The following GIGYF2 variants were observed in gnomAD, a reference collection of about 807,000 sequenced individuals.
GIGYF2 encodes the protein GRB10 interacting GYF protein 2.
In GIGYF2, 25 loss-of-function variants were observed where a neutral mutation model predicts 208.1. That is an observed-to-expected ratio of 0.12 (90% CI 0.09 to 0.17). The LOEUF (loss-of-function observed/expected upper bound fraction) is 0.17. GIGYF2 is among the 10% of genes least tolerant of loss of function. The pLI is 1.00. For synonymous variants in GIGYF2, 534 were observed against 543.8 expected (o/e 0.98, Z 0.25); for missense variants, 1,302 against 1,579.4 (o/e 0.82, Z 2.98).
chr2:232,838,350 G>A (rs931890312), intron 22 of GIGYF2, among the ~76,000 whole-genome samples: 6 of 152,092 alleles, frequency 3.9e-5, no homozygotes, highest in African/African-American at 1.4e-4. Flanking sequence ...AGTCAGGCCA[G>A]GGAGGAGAGA....
intron 24 of GIGYF2, 25 bp downstream of exon 24, chr2:232,844,280 G>T: frequency 1.2e-6 from 2 of 1,607,826 alleles, no homozygotes; most frequent in Non-Finnish European, 1.7e-6. Flanking sequence ...CTAAGCTGTC[G>T]TTGTATGGAC....
chr2:232,851,413 A>ATTTTTTTTTTTTTTTTTTTTTTTT (rs5839451), intron 28 of GIGYF2, among the ~76,000 whole-genome samples: 1 of 149,088 alleles, frequency 6.7e-6, no homozygotes, highest in Non-Finnish European at 1.5e-5. Flanking sequence ...TGAAACTAAC[A>ATTTTTTTTTTTTTTTTTTTTTTTT]TTTTTTTTTT....
At chr2:232,843,879 T>G in intron 23 of GIGYF2, 167 bp from the exon 24 acceptor site, 1 of 676,758 alleles carries the variant, frequency 1.5e-6, no homozygotes, top group Non-Finnish European at 2.7e-6. Flanking sequence ...ATTCTCCTTT[T>G]TAATACTGTT....
chr2:232,739,997 A>T (rs1042003966), intron 3 of GIGYF2, among the ~76,000 whole-genome samples: 2 of 151,702 alleles, frequency 1.3e-5, no homozygotes, highest in Non-Finnish European at 1.5e-5. Flanking sequence ...GTGTGCCTGT[A>T]ATCTTGGCTA....
chr2:232,773,238 G>A (rs1699345124), intron 8 of GIGYF2, among the ~76,000 whole-genome samples: 1 of 151,962 alleles, frequency 6.6e-6, no homozygotes. Flanking sequence ...AATGTTTTAG[G>A]AGACCTGATC....
rs113434718 is a variant in GIGYF2, at chr2:232,854,107, A to G, written c.3833-2686A>G. Among the ~76,000 whole-genome samples, 875 of 152,352 alleles carry G rather than the reference A, an allele frequency of 5.7e-3. 3 individuals carry two copies. The highest frequency in any genetic ancestry group is 0.02 in the African/African-American group (834 of 41,586). On this transcript the variant is annotated intron_variant, in intron 28 of 28. Coordinates refer to ENST00000373563, the MANE Select transcript of GIGYF2 (RefSeq NM_001103146.3). Reference sequence around the variant, plus strand: ...TGTTCTTAAGATACACGTGAAGTCAATGAAAAATCTGCCTCAGAATAAAGT... The same window carrying G: ...TGTTCTTAAGATACACGTGAAGTCAGTGAAAAATCTGCCTCAGAATAAAGT...
chr2:232,827,338 G>T (rs1457541365), intron 21 of GIGYF2, among the ~76,000 whole-genome samples: 2 of 152,156 alleles, frequency 1.3e-5, no homozygotes, highest in African/African-American at 2.4e-5. Flanking sequence ...CAGTAGCCTG[G>T]TACTGAACCT....
chr2:232,735,430 A>C (rs959862969), intron 3 of GIGYF2, 192 bp downstream of exon 3: 46 of 489,496 alleles, frequency 9.4e-5, no homozygotes, highest in Non-Finnish European at 1.6e-4. Context: ...CTTAATTAAA[A>C]TTTTTTTTCT....
chr2:232,807,464 A>C lies in GIGYF2; in HGVS notation c.1806+807A>C, dbSNP rs550544353. 4.6e-5 allele frequency among the ~76,000 whole-genome samples: 7 copies of C among 152,318 alleles called. No homozygotes were observed. The South Asian group carries it at 1.5e-3, about 32-fold the overall frequency. The stretch of plus-strand genomic sequence containing the variant: ...CTTGAGCCTAGGAAGTTGAGGCTGC[A>C]GTGAGCTGTGATTGCACCGCTGCAC... On this transcript the variant is annotated intron_variant, in intron 15 of 28. Coordinates refer to ENST00000373563, the MANE Select transcript of GIGYF2 (RefSeq NM_001103146.3).
At chr2:232,791,472 C>G in intron 12 of GIGYF2, 26 bp downstream of exon 12, 1 of 1,594,126 alleles carries the variant, frequency 6.3e-7, no homozygotes, top group Non-Finnish European at 8.6e-7. Context: ...AATAGACAAG[C>G]TAAAATAGGA....
At chr2:232,816,816 G>A (rs1559453612) in intron 19 of GIGYF2, 55 bp from the exon 20 acceptor site, 6 of 1,340,630 alleles carry the variant, frequency 4.5e-6, no homozygotes, top group African/African-American at 1.4e-5. Flanking sequence ...CAGTGCTTTC[G>A]GAGTGTTCCT....
In GIGYF2 at chr2:232,791,295, T is replaced by C; in HGVS notation, c.1131T>C (p.Ser377=). The C allele has an allele frequency of 6.2e-7, 1 of 1,614,078 alleles. No individual in the cohort carries two copies. Among genetic ancestry groups the C allele is most frequent in the Admixed American group, 1.7e-5 (1 of 60,022 alleles). Residue 377 remains serine (S), a synonymous_variant, in exon 12 of 29, where the codon TCT becomes TCC. Transcript: ENST00000373563. ...AAACTCCCCAGACCTCATCATCATCTGCTAGACCAGGTACTCCTTCAGACC... is the reference window on the plus strand; with the variant it reads ...AAACTCCCCAGACCTCATCATCATCCGCTAGACCAGGTACTCCTTCAGACC... The part of the protein sequence containing the change: ...SEETPQTSSS[S]ARPGTPSDHQ...
intron 8 of GIGYF2, among the ~76,000 whole-genome samples, chr2:232,784,826 C>T (rs146441851): frequency 3.3e-5 from 5 of 152,258 alleles, no homozygotes; most frequent in Middle Eastern, 3.4e-3. Context: ...GAAATGTGAT[C>T]GCCAGTGTTG....
intron 12 of GIGYF2, among the ~76,000 whole-genome samples, chr2:232,792,073 A>G (rs542302171): frequency 6.6e-6 from 1 of 152,216 alleles, no homozygotes; most frequent in Non-Finnish European, 1.5e-5. Flanking sequence ...TTAACATGGC[A>G]TATGAGACAC....
At chr2:232,737,209 T>C (rs1340222029) in intron 3 of GIGYF2, among the ~76,000 whole-genome samples, 1 of 152,218 alleles carries the variant, frequency 6.6e-6, no homozygotes, top group Non-Finnish European at 1.5e-5. Context: ...CAAGGTCATC[T>C]CAGTGTAGTA....
intron 25 of GIGYF2, 131 bp downstream of exon 25, chr2:232,844,705 C>T: frequency 1.4e-6 from 1 of 698,798 alleles, no homozygotes; most frequent in East Asian, 2.7e-5. Flanking sequence ...TGTGTTCAAG[C>T]ACATGCAGTC....
chr2:232,760,186 C>T (rs1303427476), intron 6 of GIGYF2: 1 of 232,824 alleles, frequency 4.3e-6, no homozygotes, highest in Non-Finnish European at 8.5e-6. Context: ...CTTAGAATTT[C>T]ACTATTCAAC....
chr2:232,697,892 C>T (rs1037195141), intron 1 of GIGYF2, among the ~76,000 whole-genome samples: 4 of 152,196 alleles, frequency 2.6e-5, no homozygotes, highest in Admixed American at 6.5e-5. Context: ...CTGGGAGGTG[C>T]GCTCCTGCCT....
chr2:232,712,892 G>C (rs1418115528), intron 2 of GIGYF2, among the ~76,000 whole-genome samples: 1 of 152,046 alleles, frequency 6.6e-6, no homozygotes, highest in African/African-American at 2.4e-5. Flanking sequence ...TGAGTTTTTA[G>C]TGCTAAGTAG....
Sources: allele counts gnomAD v4.1 joint callset (sites outside exome capture counted in the v4.1 genomes callset), GRCh38; gene constraint gnomAD v4.1.1; transcripts MANE v1.5; gene names NCBI Gene and HGNC (gene_info 2026-07-23, HGNC 2026-07-21).